Variants in FCHSD2 observed in about 807,000 individuals in gnomAD.
FCHSD2 encodes F-BAR and double SH3 domains protein 2.
A neutral mutation model predicts 108.1 loss-of-function variants in FCHSD2; 38 were observed. The ratio of observed to expected loss-of-function variants is 0.35; its 90% CI spans 0.27 to 0.46. The LOEUF (loss-of-function observed/expected upper bound fraction) is 0.46, where lower values mean the gene tolerates loss of function less well. FCHSD2 is among the 20% of genes least tolerant of loss of function. The pLI is 1.00. For synonymous variants in FCHSD2, 279 were observed against 314.7 expected, an observed-to-expected ratio of 0.89 and a Z score of 1.20; for missense variants, 751 against 897.8, an observed-to-expected ratio of 0.84 and a Z score of 2.09.
At chr11:72,925,294 T>C (rs1426270571) in intron 8 of FCHSD2, among the ~76,000 whole-genome samples, 4 of 152,234 alleles carry the variant, frequency 2.6e-5, no homozygotes, top group East Asian at 1.9e-4. Context: ...ACTAAAGGCA[T>C]TGTACTTTTA....
At chr11:73,049,322 T>C (rs1445487801) in intron 3 of FCHSD2, among the ~76,000 whole-genome samples, 2 of 152,044 alleles carry the variant, frequency 1.3e-5, no homozygotes, top group African/African-American at 4.8e-5. Flanking sequence ...CACAACAATA[T>C]TAAATTTGGT....
At chr11:72,945,479 A>G (rs1856501178) in intron 8 of FCHSD2, among the ~76,000 whole-genome samples, 1 of 152,252 alleles carries the variant, frequency 6.6e-6, no homozygotes, top group Non-Finnish European at 1.5e-5. Context: ...CATTCAGGAC[A>G]TAGGCATGGG....
At chr11:72,962,891 T>C (rs1856842972) in intron 8 of FCHSD2, among the ~76,000 whole-genome samples, 1 of 152,142 alleles carries the variant, frequency 6.6e-6, no homozygotes, top group Non-Finnish European at 1.5e-5. Flanking sequence ...TGGAAGTGAC[T>C]CTGGATGAGT....
intron 2 of FCHSD2, among the ~76,000 whole-genome samples, chr11:73,104,440 T>C (rs1323802733): frequency 6.6e-6 from 1 of 152,084 alleles, no homozygotes; most frequent in Non-Finnish European, 1.5e-5. Context: ...TGGCTAATTT[T>C]TGGATTTTCA....
intron 3 of FCHSD2, among the ~76,000 whole-genome samples, chr11:73,058,026 C>T (rs1859070242): frequency 6.6e-6 from 1 of 152,032 alleles, no homozygotes. Flanking sequence ...ACTACAGGCG[C>T]CCACGACCAC....
At chr11:73,048,771 G>A (rs938612993) in intron 3 of FCHSD2, among the ~76,000 whole-genome samples, 3 of 152,122 alleles carry the variant, frequency 2.0e-5, no homozygotes, top group Admixed American at 6.5e-5. Flanking sequence ...GTAAGACAGG[G>A]ATGTATGTAT....
intron 3 of FCHSD2, among the ~76,000 whole-genome samples, chr11:73,033,026 C>T (rs1489356386): frequency 6.6e-6 from 1 of 152,126 alleles, no homozygotes; most frequent in Non-Finnish European, 1.5e-5. Flanking sequence ...CGGTGGCTCA[C>T]ACCTGTAATC....
intron 13 of FCHSD2, among the ~76,000 whole-genome samples, chr11:72,850,968 G>A (rs1016636650): frequency 6.6e-6 from 1 of 151,730 alleles, no homozygotes; most frequent in Non-Finnish European, 1.5e-5. Flanking sequence ...GCATGGTGGT[G>A]CATGCCTGAA....
chr11:73,102,190 C>T (rs1234270026), intron 2 of FCHSD2, among the ~76,000 whole-genome samples: 2 of 152,168 alleles, frequency 1.3e-5, no homozygotes, highest in South Asian at 2.1e-4. Context: ...TGAACACCCA[C>T]TAGAATGACT....
At chr11:72,936,592 T>C (rs978478160) in intron 8 of FCHSD2, among the ~76,000 whole-genome samples, 4 of 152,154 alleles carry the variant, frequency 2.6e-5, no homozygotes, top group South Asian at 2.1e-4. Context: ...CTGGTCAACA[T>C]AGCAAGACTC....
intron 8 of FCHSD2, among the ~76,000 whole-genome samples, chr11:72,947,444 T>G (rs1856541208): frequency 6.6e-6 from 1 of 152,236 alleles, no homozygotes; most frequent in Non-Finnish European, 1.5e-5. Flanking sequence ...GTTGTCTGAC[T>G]AGAACTAAAG....
At chr11:72,884,519 TCATA>T (rs1411565257) in intron 12 of FCHSD2, among the ~76,000 whole-genome samples, 7 of 148,604 alleles carry the variant, frequency 4.7e-5, no homozygotes, top group African/African-American at 1.2e-4. Flanking sequence ...ATATATATAA[TCATA>T]CATAGTTTAT....
intron 3 of FCHSD2, among the ~76,000 whole-genome samples, chr11:73,067,343 T>C (rs947338990): frequency 1.3e-5 from 2 of 151,922 alleles, no homozygotes; most frequent in East Asian, 1.9e-4. Flanking sequence ...GGTTGGGGGC[T>C]AGAGGGTGGA....
At chr11:73,116,109 T>C (rs779341598) in intron 2 of FCHSD2, among the ~76,000 whole-genome samples, 2 of 152,270 alleles carry the variant, frequency 1.3e-5, no homozygotes, top group African/African-American at 2.4e-5. Flanking sequence ...TTTCTATTTC[T>C]AGTTTGCTAA....
At chr11:73,011,730 A>G (rs994170058) in intron 4 of FCHSD2, among the ~76,000 whole-genome samples, 2 of 152,202 alleles carry the variant, frequency 1.3e-5, no homozygotes, top group African/African-American at 4.8e-5. Context: ...GCACTACAGA[A>G]GTCTACAGTG....
chr11:73,079,653 GA>G (rs1456276366), intron 3 of FCHSD2, among the ~76,000 whole-genome samples: 1 of 152,064 alleles, frequency 6.6e-6, no homozygotes, highest in Non-Finnish European at 1.5e-5. Flanking sequence ...CTATTGACAA[GA>G]AGTAAAAACA....
intron 3 of FCHSD2, among the ~76,000 whole-genome samples, chr11:73,047,233 T>C (rs1396125780): frequency 6.6e-6 from 1 of 151,904 alleles, no homozygotes; most frequent in Admixed American, 6.6e-5. Context: ...TTGTTAAAAC[T>C]ACCATTTTTT....
At chr11:73,112,874 C>T (rs1357534192) in intron 2 of FCHSD2, among the ~76,000 whole-genome samples, 15 of 152,154 alleles carry the variant, frequency 9.9e-5, no homozygotes, top group Non-Finnish European at 1.5e-5. Flanking sequence ...CCATGTTAGC[C>T]AAGCTCGTCT....
At chr11:72,990,880 G>C (rs1255520013) in intron 5 of FCHSD2, among the ~76,000 whole-genome samples, 4 of 152,080 alleles carry the variant, frequency 2.6e-5, no homozygotes, top group Non-Finnish European at 5.9e-5. Flanking sequence ...GAACGAAATA[G>C]AGACACAAAA....
Sources: allele counts gnomAD v4.1 joint callset (sites outside exome capture counted in the v4.1 genomes callset), GRCh38; gene constraint gnomAD v4.1.1; transcripts MANE v1.5; gene names NCBI Gene and HGNC (gene_info 2026-07-23, HGNC 2026-07-21).